The following CARHSP1 variants were observed in gnomAD, a reference collection of about 807,000 sequenced individuals.
CARHSP1 encodes calcium regulated heat stable protein 1, also known as calcium-regulated heat-stable protein 1.
In CARHSP1, 14 loss-of-function variants were observed where a neutral mutation model predicts 12.5. That is an observed-to-expected ratio of 1.12 (90% CI 0.74 to 1.75). The LOEUF is 1.75. CARHSP1 is among the 40% of genes most tolerant of loss of function. The pLI is 0.00. For synonymous variants in CARHSP1, 161 were observed against 82.0 expected (o/e 1.96, Z -5.20); for missense variants, 343 against 201.6 (o/e 1.70, Z -4.25).
rs200892360 is a variant in CARHSP1, at chr16:8,859,199, G to T, written c.130C>A (p.Pro44Thr). Residue 44 changes from proline (P) to threonine (T), a missense_variant, in exon 2 of 4, where the codon CCC (proline) becomes ACC (threonine). Pro to Thr is a conservative substitution (Grantham distance 38). Coordinates refer to ENST00000311052, the MANE Select transcript of CARHSP1 (RefSeq NM_014316.4). ...GAGAAGGTCCTCGTCCGGCGAGTGG[G>T]CAGTGGGCTTGGGACCACGTTGCCC... ...LRGNVVPSPL[P>T]TRRTRTFSAT... The T allele has an allele frequency of 1.2e-6, 2 of 1,603,852 alleles. 1 individual carries two copies.
chr16:8,860,415 G>A (rs1433770714), intron 1 of CARHSP1: 3 of 985,334 alleles, frequency 3.0e-6, no homozygotes, highest in Middle Eastern at 5.2e-4. Flanking sequence ...AATTTTTCAA[G>A]AGCAGGACAC....
At chr16:8,858,321 C>T (rs780635426) in intron 3 of CARHSP1, 29 bp downstream of exon 3, 1 of 1,609,306 alleles carries the variant, frequency 6.2e-7, no homozygotes, top group Non-Finnish European at 8.5e-7. Flanking sequence ...CCACCCCAGC[C>T]AGGCCACCCA....
At chr16:8,856,767 C>T (rs1330696661) in intron 3 of CARHSP1, among the ~76,000 whole-genome samples, 8 of 152,056 alleles carry the variant, frequency 5.3e-5, no homozygotes, top group Admixed American at 5.2e-4. Flanking sequence ...GGTGCTTAGG[C>T]CAAAGAAGCA....
chr16:8,858,341 C>T lies in CARHSP1; in HGVS notation c.281+9G>A, dbSNP rs760944880. On this transcript the variant is annotated intron_variant, in intron 3 of 3. Transcript: ENST00000311052. ...CCAGCCAGGCCACCCAGACCTGCCG[C>T]TGACTCACTCAGAGATGTGCAGGAA... 4 of 1,613,010 alleles carry T rather than the reference C, an allele frequency of 2.5e-6. No homozygotes were observed. Among genetic ancestry groups the T allele is most frequent in the Non-Finnish European group, 3.4e-6 (4 of 1,179,850 alleles).
At chr16:8,861,158 ATTTTTTTTTTTTTTTTTTTTTTTTT>A (rs765114977) in intron 1 of CARHSP1, among the ~76,000 whole-genome samples, 1,757 of 51,292 alleles carry the variant, frequency 0.034, 60 homozygotes, top group Non-Finnish European at 0.039. Flanking sequence ...TCCATGCCTA[ATTTTTTTTTTTTTTTTTTTTTTTTT>A]TTTTTTTTTT....
chr16:8,867,458 G>GC (rs2061471880), intron 1 of CARHSP1: 1 of 152,272 alleles, frequency 6.6e-6, no homozygotes, highest in Non-Finnish European at 1.5e-5. Context: ...GAAGTGTCAG[G>GC]CACGGGCCCA....
chr16:8,863,570 G>C (rs1397792032), intron 1 of CARHSP1, among the ~76,000 whole-genome samples: 8 of 152,212 alleles, frequency 5.3e-5, no homozygotes, highest in African/African-American at 1.9e-4. Flanking sequence ...GACGTGACTA[G>C]GGGCGGGGGC....
Position 8,857,278 on chromosome 16 carries a change from T to G in CARHSP1, c.281+1072A>C, listed in dbSNP as rs1214674239. 5.9e-4 allele frequency among the ~76,000 whole-genome samples: 69 copies of G among 116,744 alleles called. 3 individuals carry two copies. The highest frequency in any genetic ancestry group is 2.0e-3 in the African/African-American group (59 of 29,924). 76.6% of individuals were successfully genotyped at this position (116,744 alleles called of 152,430 possible). ...GGGCAGATCTGTTTTTTTTTTTTTT[T>G]TTTTTTTTTTTTTTTTTTTTTGAGA... On this transcript the variant is annotated intron_variant, in intron 3 of 3. Transcript: ENST00000311052.
intron 3 of CARHSP1, among the ~76,000 whole-genome samples, chr16:8,855,654 A>C (rs535466969): frequency 6.6e-6 from 1 of 151,600 alleles, no homozygotes; most frequent in South Asian, 2.1e-4. Flanking sequence ...AAGAGTAAAG[A>C]CAGCCAGTCC....
intron 1 of CARHSP1, among the ~76,000 whole-genome samples, chr16:8,861,158 ATTTTTTTTTT>A (rs765114977): frequency 2.7e-4 from 14 of 51,270 alleles, no homozygotes; most frequent in African/African-American, 6.9e-4. Context: ...TCCATGCCTA[ATTTTTTTTTT>A]TTTTTTTTTT....
chr16:8,865,550 T>C (rs903108674), intron 1 of CARHSP1, among the ~76,000 whole-genome samples: 5 of 152,246 alleles, frequency 3.3e-5, no homozygotes, highest in African/African-American at 1.2e-4. Flanking sequence ...TGAGGGTGTC[T>C]TGAGCCTTCC....
chr16:8,858,448 G>A lies in CARHSP1; in HGVS notation c.183C>T (p.Pro61=), dbSNP rs753383995. Residue 61 remains proline, a synonymous_variant, in exon 3 of 4, where the codon CCC becomes CCT. Transcript: ENST00000311052. ...FSATVRASQG[P]VYKGVCKCFC... is the part of the protein sequence containing the mutation. ...AGCATTTGCAGACTCCTTTGTAGACGGGGCCCTGTGAAGCCCGCACCGTCC... is the reference window on the plus strand; with the variant it reads ...AGCATTTGCAGACTCCTTTGTAGACAGGGCCCTGTGAAGCCCGCACCGTCC... 5.6e-6 allele frequency: 9 copies of A among 1,613,718 alleles called. No homozygotes were observed. Among genetic ancestry groups the A allele is most frequent in the South Asian group, 3.3e-5 (3 of 91,078 alleles).
At chr16:8,862,080 G>A (rs916347690) in intron 1 of CARHSP1, among the ~76,000 whole-genome samples, 1 of 140,716 alleles carries the variant, frequency 7.1e-6, no homozygotes, top group African/African-American at 2.6e-5. Context: ...TCGGCTCACT[G>A]CAACCTCCAC....
rs928918424 is a variant in CARHSP1 at position 8,853,854 on chromosome 16, G to C, written c.*1310C>G. The C allele has an allele frequency of 1.3e-5, 2 of 152,214 alleles. No individual in the cohort carries two copies. The highest frequency in any genetic ancestry group is 2.4e-5 in the African/African-American group (1 of 41,448). 9.4% of individuals were successfully genotyped at this position (152,214 alleles called of 1,614,324 possible). A position where few individuals can be genotyped will look rare whatever the true frequency, so the allele number is the denominator to read the frequency against. Reference sequence around the variant, plus strand: ...TAATCCCAGCACTTTGAGAGGCCGAGATGGGCAGATCATCTGAGGTCAGGG... The same window carrying C: ...TAATCCCAGCACTTTGAGAGGCCGACATGGGCAGATCATCTGAGGTCAGGG... On this transcript the variant is annotated 3_prime_UTR_variant, in exon 4 of 4. Coordinates refer to ENST00000311052, the MANE Select transcript of CARHSP1 (RefSeq NM_014316.4).
intron 1 of CARHSP1, among the ~76,000 whole-genome samples, chr16:8,862,019 A>ATTTTTTTTTTTTTTTTTTTTTTGT (rs1555457429): frequency 1.4e-5 from 1 of 72,472 alleles, no homozygotes; most frequent in African/African-American, 4.7e-5. Context: ...TTTTTTTTTA[A>ATTTTTTTTTTTTTTTTTTTTTTGT]TTTGAGATGG....
Position 8,858,575 on chromosome 16 carries a change from G to T in CARHSP1, c.159-103C>A. On this transcript the variant is annotated intron_variant, in intron 2 of 3. Transcript: ENST00000311052. The stretch of plus-strand genomic sequence containing the variant: ...GCTGTGCCCCATCAAGCCCTGGCCA[G>T]GACCGCCATGTACAGTCACACAGGC... 3 of 1,416,254 alleles carry T rather than the reference G, an allele frequency of 2.1e-6. 1 individual carries two copies. In the South Asian group the frequency reaches 3.9e-5, roughly 19 times the overall value. 87.7% of individuals were successfully genotyped at this position (1,416,254 alleles called of 1,614,324 possible).
At chr16:8,865,184 C>G (rs529286947) in intron 1 of CARHSP1, among the ~76,000 whole-genome samples, 4 of 152,356 alleles carry the variant, frequency 2.6e-5, no homozygotes, top group Non-Finnish European at 5.9e-5. Flanking sequence ...TCTCAGCTCA[C>G]TGCAGACCCC....
chr16:8,857,215 C>T (rs983883149), intron 3 of CARHSP1, among the ~76,000 whole-genome samples: 22 of 149,596 alleles, frequency 1.5e-4, no homozygotes, highest in African/African-American at 5.4e-4. Flanking sequence ...TCGGGCACCC[C>T]CAGATCCATT....
chr16:8,858,077 C>G lies in CARHSP1; in HGVS notation c.281+273G>C, dbSNP rs2061206437. 7 of 468,928 alleles carry G rather than the reference C, an allele frequency of 1.5e-5. No individual in the cohort carries two copies. The Admixed American group carries it at 1.8e-4, about 12-fold the overall frequency. 29.0% of individuals were successfully genotyped at this position (468,928 alleles called of 1,614,324 possible). A position where few individuals can be genotyped will look rare whatever the true frequency, so the allele number is the denominator to read the frequency against. On this transcript the variant is annotated intron_variant, in intron 3 of 3. Coordinates refer to ENST00000311052, the MANE Select transcript of CARHSP1 (RefSeq NM_014316.4). ...CACGCCCAGCACACACAAAACCTTA[C>G]ACACCCATTCACAAAGACACACCCA...
Sources: allele counts gnomAD v4.1 joint callset (sites outside exome capture counted in the v4.1 genomes callset), GRCh38; gene constraint gnomAD v4.1.1; transcripts MANE v1.5; gene names NCBI Gene and HGNC (gene_info 2026-07-23, HGNC 2026-07-21).